Variants in NRG1 observed in about 807,000 individuals in gnomAD.
NRG1 encodes neuregulin 1.
In NRG1, 18 loss-of-function variants were observed where a neutral mutation model predicts 63.8. The ratio of observed to expected loss-of-function variants is 0.28; its 90% CI spans 0.19 to 0.42. NRG1 has a LOEUF of 0.42. Among genes scored for constraint, NRG1 ranks in the 10% least tolerant of loss-of-function variants. NRG1 has a pLI of 1.00. For synonymous variants in NRG1, 302 were observed against 301.3 expected (o/e 1.00, Z -0.02); for missense variants, 762 against 814.7 (o/e 0.94, Z 0.79).
exon 12 of NRG1, chr8:32,767,310 A>G (rs3735781): frequency 0.38 from 58,492 of 151,992 alleles, 11,514 homozygotes; most frequent in Middle Eastern, 0.45. Context: ...CTCACTAACT[A>G]TTCCTTTTTA....
chr8:31,920,883 GGTAGATAGATAGATAGA>G (rs879349567), intron 1 of NRG1, among the ~76,000 whole-genome samples: 1,827 of 133,328 alleles, frequency 0.014, 16 homozygotes, highest in Admixed American at 0.02. Flanking sequence ...TAGATAGATA[GGTAGATAGATAGATAGA>G]TAGATAGATA....
intron 1 of NRG1, among the ~76,000 whole-genome samples, chr8:32,104,448 A>G (rs756294587): frequency 2.0e-4 from 30 of 152,178 alleles, no homozygotes; most frequent in Non-Finnish European, 4.0e-4. Flanking sequence ...ACACTACTGT[A>G]GACTTTATAA....
At chr8:32,584,076 AT>A (rs1841189110) in intron 1 of NRG1, among the ~76,000 whole-genome samples, 1 of 151,982 alleles carries the variant, frequency 6.6e-6, no homozygotes. Context: ...ACTCTTTCTT[AT>A]TGGGATTTCT....
intron 5 of NRG1, among the ~76,000 whole-genome samples, chr8:32,709,594 T>C (rs1398888702): frequency 6.6e-6 from 1 of 151,900 alleles, no homozygotes; most frequent in Non-Finnish European, 1.5e-5. Context: ...AATTGTTTTA[T>C]TTGTAGAGAT....
intron 1 of NRG1, among the ~76,000 whole-genome samples, chr8:32,052,835 A>G (rs1299656618): frequency 6.6e-6 from 1 of 152,150 alleles, no homozygotes; most frequent in Non-Finnish European, 1.5e-5. Context: ...CATGCTCATT[A>G]TAGACAGTCT....
intron 1 of NRG1, among the ~76,000 whole-genome samples, chr8:32,417,646 T>C (rs987880234): frequency 1.3e-5 from 2 of 151,750 alleles, no homozygotes; most frequent in African/African-American, 2.4e-5. Context: ...ATAGAGTCAT[T>C]ATCTTTTCAA....
At chr8:31,641,459 C>G (rs1803777438) in intron 1 of NRG1, among the ~76,000 whole-genome samples, 1 of 152,016 alleles carries the variant, frequency 6.6e-6, no homozygotes. Flanking sequence ...CATGTAGGCC[C>G]TGAAGAAGAA....
At chr8:31,927,318 A>G (rs1236813305) in intron 1 of NRG1, among the ~76,000 whole-genome samples, 1 of 152,142 alleles carries the variant, frequency 6.6e-6, no homozygotes, top group Non-Finnish European at 1.5e-5. Flanking sequence ...AGCAACATCT[A>G]GGAGCATAAA....
rs375510700 is a variant in NRG1, at chr8:31,919,072, G to A, written c.37+279641G>A. On this transcript the variant is annotated intron_variant, in intron 1 of 10. Transcript: ENST00000519301. ...TATCCCCTTTATCATTTTTTATTGCGTCTATTTGATTCTTCTCTCTTTTTT... is the reference window on the plus strand; with the variant it reads ...TATCCCCTTTATCATTTTTTATTGCATCTATTTGATTCTTCTCTCTTTTTT... Among the ~76,000 whole-genome samples the A allele has an allele frequency of 1.5e-3, 225 of 151,852 alleles. 1 individual carries two copies. Among genetic ancestry groups the A allele is most frequent in the South Asian group, 5.4e-3 (26 of 4,820 alleles).
chr8:32,321,248 A>AGCCTTACTATAACTT (rs1380084638), intron 1 of NRG1, among the ~76,000 whole-genome samples: 31 of 152,164 alleles, frequency 2.0e-4, no homozygotes, highest in African/African-American at 7.0e-4. Context: ...TAGGAAAGAA[A>AGCCTTACTATAACTT]GCCTTACTAT....
chr8:31,712,130 A>T (rs1811822102), intron 1 of NRG1, among the ~76,000 whole-genome samples: 1 of 147,078 alleles, frequency 6.8e-6, no homozygotes. Flanking sequence ...ATTAGCCTTT[A>T]TGTTCCTTAT....
chr8:32,514,577 A>T (rs1216416617), intron 1 of NRG1, among the ~76,000 whole-genome samples: 2 of 152,164 alleles, frequency 1.3e-5, no homozygotes, highest in African/African-American at 4.8e-5. Flanking sequence ...TGCCACATGA[A>T]CTGGATTTTC....
intron 5 of NRG1, among the ~76,000 whole-genome samples, chr8:32,697,090 C>A (rs916669041): frequency 6.6e-6 from 1 of 152,236 alleles, no homozygotes. Context: ...ATCTGTAGAG[C>A]AGATTTCATT....
At chr8:32,417,062 C>A (rs1816022947) in intron 1 of NRG1, among the ~76,000 whole-genome samples, 1 of 152,188 alleles carries the variant, frequency 6.6e-6, no homozygotes, top group South Asian at 2.1e-4. Context: ...TGGCTGTCTG[C>A]CTCCAGTTAA....
chr8:32,665,277 G>C (rs1483952100), intron 5 of NRG1, among the ~76,000 whole-genome samples: 2 of 152,046 alleles, frequency 1.3e-5, no homozygotes, highest in African/African-American at 2.4e-5. Context: ...TAATATTACA[G>C]ATTCTTTTAT....
chr8:31,934,420 CTTTTTT>C (rs1554580265), intron 1 of NRG1, among the ~76,000 whole-genome samples: 1 of 108,062 alleles, frequency 9.3e-6, no homozygotes, highest in Non-Finnish European at 1.8e-5. Context: ...TATTCGCTCT[CTTTTTT>C]TTTTTTTTTT....
At chr8:32,739,013 A>C (rs1392024530) in intron 6 of NRG1, among the ~76,000 whole-genome samples, 1 of 152,210 alleles carries the variant, frequency 6.6e-6, no homozygotes, top group East Asian at 1.9e-4. Flanking sequence ...GTTTTCTAGC[A>C]GTGATTCCAT....
At chr8:32,409,927 T>A (rs1196077841) in intron 1 of NRG1, among the ~76,000 whole-genome samples, 1 of 152,078 alleles carries the variant, frequency 6.6e-6, no homozygotes, top group Non-Finnish European at 1.5e-5. Flanking sequence ...CAATGCATCT[T>A]TCATCTGTGT....
intron 1 of NRG1, among the ~76,000 whole-genome samples, chr8:32,124,070 C>A (rs932453759): frequency 2.0e-5 from 3 of 151,892 alleles, no homozygotes; most frequent in South Asian, 2.1e-4. Context: ...ATTTCAGAAA[C>A]CTTCCATAAT....
Sources: gnomAD v4.1 joint callset for allele counts (sites outside exome capture counted in the v4.1 genomes callset) on GRCh38, gnomAD v4.1.1 for gene constraint, MANE v1.5 for transcripts, NCBI Gene and HGNC (gene_info 2026-07-23, HGNC 2026-07-21) for gene names.